NT5DC4: variants seen among roughly 807,000 people sequenced by gnomAD.
NT5DC4 encodes 5'-nucleotidase domain containing 4, also known as 5'-nucleotidase domain-containing protein 4.
NT5DC4 carries 44 observed loss-of-function variants against 26.6 expected under a neutral mutation model. That is an observed-to-expected ratio of 1.65 (90% CI 1.30 to 2.13). The LOEUF (loss-of-function observed/expected upper bound fraction) is 2.13. Ranked by LOEUF, NT5DC4 falls within the 30% of genes most tolerant of loss-of-function variation. NT5DC4 has a pLI of 0.00. For missense variants in NT5DC4, 399 were observed against 228.1 expected, an observed-to-expected ratio of 1.75 and a Z score of -4.83; for synonymous variants, 157 against 86.7, an observed-to-expected ratio of 1.81 and a Z score of -4.51.
chr2:112,728,508 A>C (rs1251298774), intron 15 of NT5DC4, among the ~76,000 whole-genome samples: 1 of 152,156 alleles, frequency 6.6e-6, no homozygotes, highest in Admixed American at 6.5e-5. Context: ...TGCACGTGTC[A>C]GTCCTCCCAA....
chr2:112,736,107 G>GT (rs1389086329), intron 16 of NT5DC4, among the ~76,000 whole-genome samples: 4 of 152,204 alleles, frequency 2.6e-5, no homozygotes, highest in East Asian at 1.9e-4. Context: ...CAGAAAAAAA[G>GT]TAAGTGCACA....
At chr2:112,726,632 GGA>G (rs1558733077) in intron 14 of NT5DC4, 44 bp from the exon 15 acceptor site, 2 of 717,418 alleles carry the variant, frequency 2.8e-6, no homozygotes, top group Non-Finnish European at 5.2e-6. Flanking sequence ...CCTGGCACTC[GGA>G]GGCTCTGTGC....
intron 10 of NT5DC4, 27 bp from the exon 11 acceptor site, chr2:112,724,754 T>A: frequency 1.4e-6 from 1 of 716,244 alleles, no homozygotes. Flanking sequence ...AGGCTGTGTG[T>A]GTGCAGCCCG....
At chr2:112,721,611 C>T (rs905186218) in intron 1 of NT5DC4, 1 of 717,336 alleles carries the variant, frequency 1.4e-6, no homozygotes. Context: ...CATGCTCACA[C>T]ATGCTTACAT....
In NT5DC4 at chr2:112,721,074, G is replaced by A. The variant is rs1490313821; in HGVS notation, c.-6G>A. 2.0e-5 allele frequency among the ~76,000 whole-genome samples: 3 copies of A among 152,164 alleles called. No individual in the cohort carries two copies. Among genetic ancestry groups the A allele is most frequent in the Non-Finnish European group, 4.4e-5 (3 of 68,032 alleles). ...GACACTTGCCTCCTCCTCACTCTGG[G>A]TGACGATGGCCAGTGTAGACTGGAG... On this transcript the variant is annotated 5_prime_UTR_variant, in exon 1 of 17. It adds an upstream start codon to the 5' untranslated region. Transcript: ENST00000688554.
rs184709208 is a variant in NT5DC4, at chr2:112,727,011, G to A, written c.1266+273G>A. 1,470 of 523,148 alleles carry A rather than the reference G, an allele frequency of 2.8e-3. 4 individuals are homozygous for A. Among genetic ancestry groups the A allele is most frequent in the Middle Eastern group, 0.015 (28 of 1,860 alleles). The allele number at this position is 523,148 out of a possible 1,614,324, so 32.4% of individuals were successfully genotyped here. On this transcript the variant is annotated intron_variant, in intron 15 of 16. Coordinates refer to ENST00000688554, the MANE Select transcript of NT5DC4 (RefSeq NM_001393655.1). ...AGTCTTTGCCAATCACCCTGCCCGG[G>A]AAGTGCCTGCGTGCTAGCTGGGCCC...
downstream of NT5DC4, chr2:112,739,127 T>C (rs1017848686): frequency 8.9e-5 from 99 of 1,106,620 alleles, no homozygotes; most frequent in African/African-American, 1.6e-5. Context: ...TCTTATTCAA[T>C]AATAAAACAG....
intron 13 of NT5DC4, among the ~76,000 whole-genome samples, chr2:112,725,937 G>A (rs957070879): frequency 6.7e-6 from 1 of 150,310 alleles, no homozygotes; most frequent in Non-Finnish European, 1.5e-5. Context: ...AGGGCAGGGA[G>A]TTGTGTGAGC....
At chr2:112,724,726 G>T in intron 10 of NT5DC4, 55 bp from the exon 11 acceptor site, 1 of 708,268 alleles carries the variant, frequency 1.4e-6, no homozygotes, top group South Asian at 1.5e-5. Flanking sequence ...GACTGGCTGT[G>T]GCAAGGTCAG....
chr2:112,725,095 C>A (rs2104738560), intron 11 of NT5DC4, 79 bp from the exon 12 acceptor site: 2 of 670,716 alleles, frequency 3.0e-6, no homozygotes, highest in Non-Finnish European at 5.6e-6. Context: ...TCTGCCACTC[C>A]CAGCTCCCTG....
chr2:112,723,365 A>G (rs1255416150), intron 7 of NT5DC4, 53 bp from the exon 8 acceptor site: 1 of 686,788 alleles, frequency 1.5e-6, no homozygotes, highest in Non-Finnish European at 2.7e-6. Context: ...ACACATGCAC[A>G]CACACACACA....
rs569762655 is a variant in NT5DC4, at chr2:112,734,841, T to C, written c.1345-4072T>C. On this transcript the variant is annotated intron_variant, in intron 16 of 16. Coordinates refer to ENST00000688554, the MANE Select transcript of NT5DC4 (RefSeq NM_001393655.1). ...AGTAGCTGGGACTACAGGCACACTC[T>C]ACCACATCTGGCTAATTTTTGTATT... 3.9e-5 allele frequency among the ~76,000 whole-genome samples: 6 copies of C among 151,930 alleles called. No homozygotes were observed. In the South Asian group the frequency reaches 1.2e-3, roughly 32 times the overall value.
chr2:112,736,365 A>G (rs1474181061), intron 16 of NT5DC4, among the ~76,000 whole-genome samples: 3 of 152,174 alleles, frequency 2.0e-5, no homozygotes, highest in African/African-American at 7.2e-5. Flanking sequence ...TGACAATTTT[A>G]TTTTATTAGG....
At chr2:112,741,211 C>T (rs916818528), downstream of NT5DC4, among the ~76,000 whole-genome samples, 1 of 152,094 alleles carries the variant, frequency 6.6e-6, no homozygotes, top group Non-Finnish European at 1.5e-5. Context: ...CTACATCAGG[C>T]TACCCTCGTA....
At chr2:112,730,381 T>A (rs1351772988) in intron 16 of NT5DC4, among the ~76,000 whole-genome samples, 1 of 151,322 alleles carries the variant, frequency 6.6e-6, no homozygotes. Flanking sequence ...CAGTGCTTTG[T>A]GCACTGTTGG....
At chr2:112,737,129 G>C (rs1679315893) in intron 16 of NT5DC4, 1 of 152,160 alleles carries the variant, frequency 6.6e-6, no homozygotes, top group Non-Finnish European at 1.5e-5. Context: ...GTTTCACCAT[G>C]TTGGTCAAGC....
chr2:112,739,279 G>A (rs1365225631), downstream of NT5DC4, among the ~76,000 whole-genome samples: 1 of 152,174 alleles, frequency 6.6e-6, no homozygotes, highest in Non-Finnish European at 1.5e-5. Flanking sequence ...AAATTAGCTG[G>A]GCATGGTGGC....
At chr2:112,736,609 C>T (rs1679210257) in intron 16 of NT5DC4, 1 of 152,122 alleles carries the variant, frequency 6.6e-6, no homozygotes, top group Non-Finnish European at 1.5e-5. Flanking sequence ...TTTCCTCTTC[C>T]CCAATCTGTG....
At chr2:112,740,765 C>A, downstream of NT5DC4, 1 of 1,448,730 alleles carries the variant, frequency 6.9e-7, no homozygotes. Context: ...AAAATCGAGA[C>A]TTGGACTAGA....
Sources: allele counts gnomAD v4.1 joint callset (sites outside exome capture counted in the v4.1 genomes callset), GRCh38; gene constraint gnomAD v4.1.1; transcripts MANE v1.5; gene names NCBI Gene and HGNC (gene_info 2026-07-23, HGNC 2026-07-21).